The following PCDH15 variants were observed in gnomAD, a reference collection of about 807,000 sequenced individuals.
PCDH15 encodes protocadherin-15.
Under a neutral mutation model 178.5 loss-of-function variants are expected in PCDH15, and 129 were observed. The ratio of observed to expected loss-of-function variants is 0.72; its 90% CI spans 0.63 to 0.84. PCDH15 has a LOEUF of 0.84. Among genes scored for constraint, PCDH15 ranks in the 40% least tolerant of loss-of-function variants. The pLI is 0.00. For synonymous variants in PCDH15, 800 were observed against 732.0 expected (o/e 1.09, Z -1.50); for missense variants, 2,230 against 2,099.9 (o/e 1.06, Z -1.21).
rs200826452 is a variant in PCDH15, at chr10:54,111,982, AAAAAAC to A, written c.1917+20887_1917+20892del. Among the ~76,000 whole-genome samples, 44 of 130,786 alleles carry A rather than the reference AAAAAAC, an allele frequency of 3.4e-4. No individual in the cohort carries two copies. The East Asian group carries it at 3.6e-3, about 11-fold the overall frequency. The allele number at this position is 130,786 out of a possible 152,430, so 85.8% of individuals were successfully genotyped here. ...TCTCTACCAAAAATACAAAAAAAAA[AAAAAAC>A]AAAACTTAGCTTAGCGTGGTGGTGG... On this transcript the variant is annotated intron_variant, in intron 15 of 37. Coordinates refer to ENST00000644397, the MANE Select transcript of PCDH15 (RefSeq NM_001384140.1).
chr10:54,248,846 A>G (rs1272678701), intron 8 of PCDH15, among the ~76,000 whole-genome samples: 2 of 152,036 alleles, frequency 1.3e-5, no homozygotes, highest in African/African-American at 4.8e-5. Flanking sequence ...CTTGTCTCTG[A>G]TAGGAGTGGG....
At chr10:55,516,817 CA>C (rs1165868215) in intron 2 of PCDH15, among the ~76,000 whole-genome samples, 1 of 151,934 alleles carries the variant, frequency 6.6e-6, no homozygotes, top group African/African-American at 2.4e-5. Context: ...TCAATTTAGG[CA>C]AAAAAATTTC....
intron 2 of PCDH15, among the ~76,000 whole-genome samples, chr10:54,919,359 CA>C (rs1706351189): frequency 6.6e-6 from 1 of 152,104 alleles, no homozygotes; most frequent in African/African-American, 2.4e-5. Flanking sequence ...ATCTAACCAG[CA>C]AAAGGGATAA....
chr10:53,953,694 A>G (rs1045945935), intron 23 of PCDH15, among the ~76,000 whole-genome samples: 1 of 152,194 alleles, frequency 6.6e-6, no homozygotes, highest in Non-Finnish European at 1.5e-5. Flanking sequence ...TTTATTGAGT[A>G]TAGGGTTGTC....
At chr10:53,822,870 C>G (rs1459426728) in intron 32 of PCDH15, 1 of 1,614,080 alleles carries the variant, frequency 6.2e-7, no homozygotes, top group South Asian at 1.1e-5. Flanking sequence ...GCTGCTACCT[C>G]TTTTGTTTGT....
At chr10:55,418,489 C>T (rs192081673) in intron 2 of PCDH15, among the ~76,000 whole-genome samples, 118 of 151,756 alleles carry the variant, frequency 7.8e-4, no homozygotes, top group Middle Eastern at 6.8e-3. Flanking sequence ...ACACCAGTGC[C>T]TAAGGCATAT....
chr10:54,078,853 C>T (rs563397322), intron 17 of PCDH15, among the ~76,000 whole-genome samples: 1 of 151,944 alleles, frequency 6.6e-6, no homozygotes, highest in Non-Finnish European at 1.5e-5. Flanking sequence ...CCAAGAATTA[C>T]TTATGATTCT....
At chr10:54,317,717 A>G (rs2061365319) in intron 7 of PCDH15, among the ~76,000 whole-genome samples, 1 of 152,062 alleles carries the variant, frequency 6.6e-6, no homozygotes, top group Admixed American at 6.6e-5. Context: ...AGTTGCAGTG[A>G]GCCAAGATCA....
At chr10:55,009,676 C>T (rs1337891028) in intron 2 of PCDH15, among the ~76,000 whole-genome samples, 1 of 151,794 alleles carries the variant, frequency 6.6e-6, no homozygotes, top group Non-Finnish European at 1.5e-5. Flanking sequence ...GTTACCTGTT[C>T]CAAGACTAAA....
chr10:54,926,212 CT>C (rs1043606032), intron 2 of PCDH15, among the ~76,000 whole-genome samples: 10 of 151,890 alleles, frequency 6.6e-5, no homozygotes, highest in African/African-American at 2.2e-4. Flanking sequence ...AATCATGTGG[CT>C]TTTTTCATTA....
At chr10:55,023,919 A>G (rs2131957907) in intron 2 of PCDH15, among the ~76,000 whole-genome samples, 1 of 150,044 alleles carries the variant, frequency 6.7e-6, no homozygotes, top group African/African-American at 2.4e-5. Context: ...GTGTCTGTAT[A>G]CATCTGGACC....
At chr10:53,959,174 A>ACT (rs1554882258) in intron 23 of PCDH15, among the ~76,000 whole-genome samples, 2 of 148,098 alleles carry the variant, frequency 1.4e-5, no homozygotes, top group Non-Finnish European at 3.0e-5. Context: ...GTGTATATAT[A>ACT]GTGTGTATAT....
intron 2 of PCDH15, among the ~76,000 whole-genome samples, chr10:55,601,913 A>G (rs1299937198): frequency 1.6e-4 from 24 of 152,126 alleles, no homozygotes; most frequent in Admixed American, 1.6e-3. Context: ...GAACAGCTCC[A>G]GTCTACAGCT....
At chr10:53,881,025 A>G (rs1359160294) in intron 26 of PCDH15, among the ~76,000 whole-genome samples, 1 of 152,066 alleles carries the variant, frequency 6.6e-6, no homozygotes, top group African/African-American at 2.4e-5. Flanking sequence ...TGTATATATC[A>G]CATATGTATA....
chr10:55,578,679 A>G (rs1480841058), intron 2 of PCDH15, among the ~76,000 whole-genome samples: 1 of 152,176 alleles, frequency 6.6e-6, no homozygotes, highest in Non-Finnish European at 1.5e-5. Context: ...GAGACTGGGT[A>G]ATTTATAAAG....
chr10:55,513,375 G>A (rs1445007308), intron 2 of PCDH15, among the ~76,000 whole-genome samples: 1 of 152,032 alleles, frequency 6.6e-6, no homozygotes, highest in East Asian at 1.9e-4. Context: ...GGTCATCTAT[G>A]TAGTATTCTC....
chr10:54,509,949 T>C (rs1420733016), intron 3 of PCDH15, among the ~76,000 whole-genome samples: 1 of 152,202 alleles, frequency 6.6e-6, no homozygotes, highest in African/African-American at 2.4e-5. Flanking sequence ...CTTCTTCCCA[T>C]GCTGTTGCGA....
chr10:53,832,183 A>G lies in PCDH15; in HGVS notation c.3984-650T>C, dbSNP rs188256691. 1.9e-4 allele frequency among the ~76,000 whole-genome samples: 29 copies of G among 152,166 alleles called. No homozygotes were observed. The East Asian group carries it at 4.2e-3, about 22-fold the overall frequency. On this transcript the variant is annotated intron_variant, in intron 29 of 37. Coordinates refer to ENST00000644397, the MANE Select transcript of PCDH15 (RefSeq NM_001384140.1). Reference sequence around the variant, plus strand: ...AGACTAAATAAATGATGCGAGTAGTATATCAGTGTTGTAAGAATGACAGGA... The same window carrying G: ...AGACTAAATAAATGATGCGAGTAGTGTATCAGTGTTGTAAGAATGACAGGA...
At chr10:54,631,187 T>A (rs2093691419) in intron 2 of PCDH15, among the ~76,000 whole-genome samples, 2 of 152,004 alleles carry the variant, frequency 1.3e-5, no homozygotes, top group Admixed American at 6.6e-5. Flanking sequence ...CATTTATCAT[T>A]TAAAATGTGT....
Sources: allele counts gnomAD v4.1 joint callset (sites outside exome capture counted in the v4.1 genomes callset), GRCh38; gene constraint gnomAD v4.1.1; transcripts MANE v1.5; gene names NCBI Gene and HGNC (gene_info 2026-07-23, HGNC 2026-07-21).